DPYS: variants seen among roughly 807,000 people sequenced by gnomAD.
DPYS encodes dihydropyrimidine amidohydrolase.
In DPYS, 39 loss-of-function variants were observed where a neutral mutation model predicts 50.3. That is an observed-to-expected ratio of 0.78 (90% CI 0.60 to 1.01). The LOEUF (loss-of-function observed/expected upper bound fraction) is 1.01, where lower values mean the gene tolerates loss of function less well. DPYS is among the 50% of genes least tolerant of loss of function. The pLI is 0.00. For missense variants in DPYS, 659 were observed against 680.9 expected, an observed-to-expected ratio of 0.97 and a Z score of 0.36; for synonymous variants, 245 against 250.7, an observed-to-expected ratio of 0.98 and a Z score of 0.22.
At chr8:104,395,222 C>G (rs967314544) in intron 7 of DPYS, among the ~76,000 whole-genome samples, 8 of 152,184 alleles carry the variant, frequency 5.3e-5, no homozygotes, top group Non-Finnish European at 7.3e-5. Flanking sequence ...TGGTCTCAAA[C>G]TCCAAGGCTC....
At chr8:104,449,312 T>C (rs1310237070) in intron 2 of DPYS, among the ~76,000 whole-genome samples, 2 of 152,200 alleles carry the variant, frequency 1.3e-5, no homozygotes, top group African/African-American at 4.8e-5. Context: ...TTACATGAAA[T>C]ATCTTTTGCT....
intron 7 of DPYS, among the ~76,000 whole-genome samples, chr8:104,415,964 C>A (rs79509217): frequency 0.058 from 8,898 of 152,222 alleles, 297 homozygotes; most frequent in African/African-American, 0.063. Flanking sequence ...TACTACATGC[C>A]AACTGCTACT....
intron 7 of DPYS, chr8:104,419,127 T>C (rs903439654): frequency 4.3e-6 from 4 of 921,348 alleles, no homozygotes; most frequent in Non-Finnish European, 5.2e-6. Context: ...GAAAATCTTT[T>C]CTACTTAAAT....
chr8:104,446,932 G>A (rs1813549363), intron 3 of DPYS, among the ~76,000 whole-genome samples: 1 of 152,222 alleles, frequency 6.6e-6, no homozygotes, highest in Admixed American at 6.5e-5. Context: ...GTCATCAGAT[G>A]ACACTGATGT....
chr8:104,400,086 C>T (rs1225507418), intron 7 of DPYS, among the ~76,000 whole-genome samples: 1 of 100,482 alleles, frequency 1.0e-5, no homozygotes, highest in African/African-American at 2.9e-5. Context: ...CTGCAAGCTG[C>T]CTGGGGTCAC....
At position 104,428,057 on chromosome 8, in the gene DPYS, T is replaced by C; in HGVS notation, c.1015A>G (p.Lys339Glu). Residue 339 changes from lysine to glutamate, a missense_variant, in exon 6 of 10, where the codon AAG (lysine) becomes GAG (glutamate). By Grantham distance (56) the Lys-to-Glu change is moderately conservative. Transcript: ENST00000351513. ...TTGGGGATCTTGGTAAAATCATCCT[T>C]CCCAAGAGCTTTCTGGCAGGTGTTG... ...TFNTCQKALG[K>E]DDFTKIPNGV... The C allele has an allele frequency of 6.2e-7, 1 of 1,614,188 alleles. No individual in the cohort carries two copies. Among genetic ancestry groups the C allele is most frequent in the Non-Finnish European group, 8.5e-7 (1 of 1,180,026 alleles).
Position 104,392,818 on chromosome 8 carries a change from T to C in DPYS, c.1409A>G (p.Glu470Gly). ...GKFIPRKPFAEYIYKRIKQRD... is the reference protein window; with the variant it reads ...GKFIPRKPFAGYIYKRIKQRD... Reference sequence around the variant, plus strand: ...CTGCTTTATTCGTTTGTAAATATATTCAGCAAATGGTTTTCGAGGAATAAA... The same window carrying C: ...CTGCTTTATTCGTTTGTAAATATATCCAGCAAATGGTTTTCGAGGAATAAA... The change falls in exon 8 of 10, where the codon GAA becomes GGA. Residue 470 changes from glutamate (E) to glycine (G), a missense_variant. Transcript: ENST00000351513. 6.2e-7 allele frequency: 1 copy of C among 1,614,146 alleles called. No homozygotes were observed. The highest frequency in any genetic ancestry group is 1.1e-5 in the South Asian group (1 of 91,074).
rs1417579888 is a variant in DPYS, at chr8:104,451,413, A to C, written c.265-9T>G. 1 of 1,613,964 alleles carries C rather than the reference A, an allele frequency of 6.2e-7. No individual in the cohort carries two copies. The highest frequency in any genetic ancestry group is 8.5e-7 in the Non-Finnish European group (1 of 1,179,994). ...CCTCCTGAGAGAGCAGCCTGGAATCATAAGAGGTTTTCAACAAATTAGCTA... is the reference window on the plus strand; with the variant it reads ...CCTCCTGAGAGAGCAGCCTGGAATCCTAAGAGGTTTTCAACAAATTAGCTA... On this transcript the variant is annotated splice_polypyrimidine_tract_variant and intron_variant, in intron 1 of 9. Transcript: ENST00000351513.
chr8:104,423,568 A>G (rs1272360164), intron 7 of DPYS, among the ~76,000 whole-genome samples: 1 of 152,214 alleles, frequency 6.6e-6, no homozygotes, highest in Non-Finnish European at 1.5e-5. Flanking sequence ...ACAGATTATT[A>G]AAGCATTTAA....
rs1265124946 is a variant in DPYS at position 104,466,680 on chromosome 8, C to G, written c.241G>C (p.Asp81His). ...QFPFMGSRSI[D>H]DFHQGTKAAL... ...ACCTTGGTGCCCTGGTGGAAGTCGT[C>G]GATGGACCGCGAGCCCATGAAGGGG... Residue 81 changes from aspartate to histidine, a missense_variant, in exon 1 of 10, where the codon GAC becomes CAC. By Grantham distance (81) the Asp-to-His change is moderately conservative. Coordinates refer to ENST00000351513, the MANE Select transcript of DPYS (RefSeq NM_001385.3). The G allele has an allele frequency of 1.3e-6, 2 of 1,525,842 alleles. No individual in the cohort carries two copies. The highest frequency in any genetic ancestry group is 5.1e-5 in the East Asian group (2 of 39,342). The allele number at this position is 1,525,842 out of a possible 1,614,324, so 94.5% of individuals were successfully genotyped here. A position where few individuals can be genotyped will look rare whatever the true frequency, so the allele number is the denominator to read the frequency against.
chr8:104,452,476 G>A (rs943655853), intron 1 of DPYS, among the ~76,000 whole-genome samples: 1 of 152,046 alleles, frequency 6.6e-6, no homozygotes, highest in Non-Finnish European at 1.5e-5. Flanking sequence ...CCTTTAATTC[G>A]CCATCTGCAA....
At chr8:104,421,860 G>C (rs796598864) in intron 7 of DPYS, among the ~76,000 whole-genome samples, 1 of 152,194 alleles carries the variant, frequency 6.6e-6, no homozygotes, top group Non-Finnish European at 1.5e-5. Flanking sequence ...GGAAGGGCAA[G>C]ACAATGTTAT....
chr8:104,444,669 G>C (rs2140707821), intron 3 of DPYS, among the ~76,000 whole-genome samples: 1 of 152,118 alleles, frequency 6.6e-6, no homozygotes, highest in South Asian at 2.1e-4. Context: ...AATCATATAA[G>C]TTAATTTTCC....
rs190175260 is a variant in DPYS at position 104,388,519 on chromosome 8, T to C, written c.1443+4265A>G. Among the ~76,000 whole-genome samples, 65 of 152,352 alleles carry C rather than the reference T, an allele frequency of 4.3e-4. 1 individual carries two copies. In the Middle Eastern group the frequency reaches 0.017, roughly 40 times the overall value. ...CTATATATTTTTTGTAAACAATTAA[T>C]AATATGTAGTTTTGCTCAGTCAGGA... On this transcript the variant is annotated intron_variant, in intron 8 of 9. Coordinates refer to ENST00000351513, the MANE Select transcript of DPYS (RefSeq NM_001385.3).
chr8:104,433,932 ACT>A (rs372863189), intron 4 of DPYS, among the ~76,000 whole-genome samples: 1 of 152,156 alleles, frequency 6.6e-6, no homozygotes, highest in African/African-American at 2.4e-5. Context: ...AAAGAGTCAA[ACT>A]CTGTAAAATA....
chr8:104,402,962 G>T (rs1038716026), intron 7 of DPYS, among the ~76,000 whole-genome samples: 6 of 152,174 alleles, frequency 3.9e-5, no homozygotes, highest in Non-Finnish European at 8.8e-5. Context: ...TATCGCCTGA[G>T]AGCACAGCGT....
intron 3 of DPYS, among the ~76,000 whole-genome samples, chr8:104,446,839 A>G (rs1185475440): frequency 2.6e-5 from 4 of 152,202 alleles, no homozygotes; most frequent in Non-Finnish European, 5.9e-5. Context: ...AATAAATATC[A>G]TCTAGTTTCC....
intron 1 of DPYS, among the ~76,000 whole-genome samples, chr8:104,457,187 T>C (rs1813954614): frequency 6.6e-6 from 1 of 152,024 alleles, no homozygotes; most frequent in African/African-American, 2.4e-5. Flanking sequence ...TGAAGTAAAA[T>C]AAGGGTGACT....
chr8:104,450,868 G>A (rs999679228), intron 2 of DPYS, among the ~76,000 whole-genome samples: 2 of 152,088 alleles, frequency 1.3e-5, no homozygotes, highest in African/African-American at 4.8e-5. Flanking sequence ...ATTTTTTATT[G>A]AAGTTCTAAC....
Sources: allele counts gnomAD v4.1 joint callset (sites outside exome capture counted in the v4.1 genomes callset), GRCh38; gene constraint gnomAD v4.1.1; transcripts MANE v1.5; gene names NCBI Gene and HGNC (gene_info 2026-07-23, HGNC 2026-07-21).